The following STK32B variants were observed in gnomAD, a reference collection of about 807,000 sequenced individuals.
STK32B encodes serine/threonine kinase 32B, also known as serine/threonine-protein kinase 32B.
STK32B carries 43 observed loss-of-function variants against 52.6 expected under a neutral mutation model. That is an observed-to-expected ratio of 0.82 (90% CI 0.64 to 1.05). STK32B has a LOEUF of 1.05. STK32B is among the 50% of genes least tolerant of loss of function. The pLI, the probability that STK32B is intolerant of heterozygous loss-of-function variation, is 0.00. For synonymous variants in STK32B, 238 were observed against 204.3 expected, an observed-to-expected ratio of 1.17 and a Z score of -1.41; for missense variants, 621 against 534.6, an observed-to-expected ratio of 1.16 and a Z score of -1.59.
chr4:5,221,295 A>G (rs940619142), intron 3 of STK32B, among the ~76,000 whole-genome samples: 4 of 152,184 alleles, frequency 2.6e-5, no homozygotes, highest in African/African-American at 9.7e-5. Flanking sequence ...TACAGCAATA[A>G]AATGCACTCA....
chr4:5,355,141 G>A (rs1399523356), intron 4 of STK32B, among the ~76,000 whole-genome samples: 1 of 152,164 alleles, frequency 6.6e-6, no homozygotes, highest in Non-Finnish European at 1.5e-5. Context: ...AGCAGCAACA[G>A]GAAACGAATC....
chr4:5,246,633 G>T (rs182537774), intron 3 of STK32B, among the ~76,000 whole-genome samples: 136 of 152,252 alleles, frequency 8.9e-4, no homozygotes, highest in African/African-American at 2.9e-3. Context: ...CGTTCCTTTG[G>T]AGGAGGAGAG....
chr4:5,482,160 A>G lies in STK32B; in HGVS notation c.1106+14090A>G, dbSNP rs1043468016. ...GCTTGATGGGGATGGCATTGAATCT[A>G]TAAATTACCTTGGGCAGTATGGCCA... On this transcript the variant is annotated intron_variant, in intron 11 of 11. Coordinates refer to ENST00000282908, the MANE Select transcript of STK32B (RefSeq NM_018401.3). Among the ~76,000 whole-genome samples the G allele has an allele frequency of 9.9e-5, 15 of 152,156 alleles. No homozygotes were observed. The East Asian group carries it at 1.2e-3, about 12-fold the overall frequency.
intron 3 of STK32B, among the ~76,000 whole-genome samples, chr4:5,218,881 C>A (rs1010895574): frequency 7.2e-5 from 11 of 152,206 alleles, no homozygotes; most frequent in Non-Finnish European, 1.5e-4. Context: ...CTGGGCACCG[C>A]CTGCTCCCCT....
At chr4:5,314,824 CTT>C (rs1375792808) in intron 3 of STK32B, among the ~76,000 whole-genome samples, 1 of 151,954 alleles carries the variant, frequency 6.6e-6, no homozygotes, top group African/African-American at 2.4e-5. Context: ...TATTTTAAAA[CTT>C]TTTATTAAAT....
At chr4:5,269,397 C>A (rs144738803) in intron 3 of STK32B, among the ~76,000 whole-genome samples, 1 of 152,090 alleles carries the variant, frequency 6.6e-6, no homozygotes, top group Non-Finnish European at 1.5e-5. Flanking sequence ...GCGAGACTTA[C>A]AAAGATCAAA....
At chr4:5,393,371 A>G (rs1488045120) in intron 4 of STK32B, among the ~76,000 whole-genome samples, 6 of 152,226 alleles carry the variant, frequency 3.9e-5, no homozygotes, top group Non-Finnish European at 8.8e-5. Flanking sequence ...TATCCAACTT[A>G]TAAGTGAGGA....
chr4:5,319,256 G>A (rs766443398), intron 3 of STK32B, among the ~76,000 whole-genome samples: 8 of 152,138 alleles, frequency 5.3e-5, no homozygotes, highest in African/African-American at 1.9e-4. Context: ...CCAGAACCTA[G>A]GACTTTGCCT....
chr4:5,129,302 T>C (rs1026565963), intron 1 of STK32B, among the ~76,000 whole-genome samples: 4 of 152,220 alleles, frequency 2.6e-5, no homozygotes, highest in African/African-American at 9.6e-5. Context: ...TTCTCTTCTT[T>C]ATTGGAGTCC....
rs535275121 is a variant in STK32B, at chr4:5,387,370, C to T, written c.435-10837C>T. 4.1e-4 allele frequency among the ~76,000 whole-genome samples: 63 copies of T among 152,292 alleles called. No individual in the cohort carries two copies. In the South Asian group the frequency reaches 8.1e-3, roughly 20 times the overall value. On this transcript the variant is annotated intron_variant, in intron 4 of 11. Coordinates refer to ENST00000282908, the MANE Select transcript of STK32B (RefSeq NM_018401.3). ...GGAACTCAGCACCTACTGGGAAGGA[C>T]AAGCCTCAGTCAGATAATCACACAA...
At chr4:5,426,692 C>CAAAA (rs746246839) in intron 6 of STK32B, among the ~76,000 whole-genome samples, 2,089 of 77,860 alleles carry the variant, frequency 0.027, 100 homozygotes, top group South Asian at 0.087. Context: ...TCCATCTAAA[C>CAAAA]AAAAAAAAAA....
In STK32B at chr4:5,159,657, ATATATGAATG is replaced by A. The variant is rs1339647476; in HGVS notation, c.109-8632_109-8623del. ...TATATATATGAATGTATATGAATAT[ATATATGAATG>A]TATATGAATATATATATGAATATAT... On this transcript the variant is annotated intron_variant, in intron 2 of 11. Coordinates refer to ENST00000282908, the MANE Select transcript of STK32B (RefSeq NM_018401.3). Among the ~76,000 whole-genome samples the A allele has an allele frequency of 5.7e-3, 448 of 78,680 alleles. 63 individuals are homozygous for A. The highest frequency in any genetic ancestry group is 0.018 in the Admixed American group (135 of 7,320). 51.6% of individuals were successfully genotyped at this position (78,680 alleles called of 152,430 possible).
At chr4:5,455,907 A>G (rs569219644) in intron 7 of STK32B, among the ~76,000 whole-genome samples, 4 of 152,236 alleles carry the variant, frequency 2.6e-5, no homozygotes, top group Non-Finnish European at 5.9e-5. Context: ...AGATTTCTCC[A>G]GGATCAGTTT....
chr4:5,267,433 T>C (rs957424536), intron 3 of STK32B, among the ~76,000 whole-genome samples: 3 of 152,202 alleles, frequency 2.0e-5, no homozygotes, highest in Admixed American at 1.3e-4. Context: ...AGTTTGTTTG[T>C]AGCTAAGCTT....
intron 2 of STK32B, among the ~76,000 whole-genome samples, chr4:5,150,980 T>A (rs148883766): frequency 2.1e-4 from 32 of 152,320 alleles, no homozygotes; most frequent in Non-Finnish European, 2.4e-4. Context: ...AGAGTTTTGT[T>A]CCTGAACCTT....
At position 5,499,313 on chromosome 4, in the gene STK32B, A is replaced by G. The variant is rs1344028960; in HGVS notation, c.*230A>G. ...TGTGCCTCCGTTTTCTGCATCTGCC[A>G]AAGGGGTTAAACACTTCTGCCCCAC... On this transcript the variant is annotated 3_prime_UTR_variant, in exon 12 of 12. Transcript: ENST00000282908. 1.1e-5 allele frequency: 5 copies of G among 457,754 alleles called. No homozygotes were observed. The highest frequency in any genetic ancestry group is 1.8e-5 in the Non-Finnish European group (5 of 272,656). The allele number at this position is 457,754 out of a possible 1,614,324, so 28.4% of individuals were successfully genotyped here. A position where few individuals can be genotyped will look rare whatever the true frequency, so the allele number is the denominator to read the frequency against.
In STK32B at chr4:5,311,916, T is replaced by TA. The variant is rs201864559; in HGVS notation, c.261-19304_261-19303insA. Among the ~76,000 whole-genome samples, 2,087 of 130,386 alleles carry TA rather than the reference T, an allele frequency of 0.016. 80 individuals are homozygous for TA. The East Asian group carries it at 0.17, about 10-fold the overall frequency. The allele number at this position is 130,386 out of a possible 152,430, so 85.5% of individuals were successfully genotyped here. A position where few individuals can be genotyped will look rare whatever the true frequency, so the allele number is the denominator to read the frequency against. On this transcript the variant is annotated intron_variant, in intron 3 of 11. Transcript: ENST00000282908. Reference sequence around the variant, plus strand: ...AGTGCATACTTTTATATATATATATTTTTTTTTAAAGTTTATTCTTATTTT... The same window carrying TA: ...AGTGCATACTTTTATATATATATATTATTTTTTTAAAGTTTATTCTTATTTT...
chr4:5,310,999 T>G (rs72616107), intron 3 of STK32B, among the ~76,000 whole-genome samples: 19,503 of 152,094 alleles, frequency 0.13, 2,713 homozygotes, highest in African/African-American at 0.36. Context: ...TTTGATCTCA[T>G]AGAAGTAGAG....
At chr4:5,411,128 T>C (rs1711633003) in intron 5 of STK32B, among the ~76,000 whole-genome samples, 1 of 151,848 alleles carries the variant, frequency 6.6e-6, no homozygotes, top group South Asian at 2.1e-4. Context: ...CTCCGTTTCC[T>C]GGGTTCATGC....
Sources: gnomAD v4.1 joint callset for allele counts (sites outside exome capture counted in the v4.1 genomes callset) on GRCh38, gnomAD v4.1.1 for gene constraint, MANE v1.5 for transcripts, NCBI Gene and HGNC (gene_info 2026-07-23, HGNC 2026-07-21) for gene names.